The following SYNE1 variants were observed in gnomAD, a reference collection of about 807,000 sequenced individuals.
The protein encoded by SYNE1 is nesprin-1.
A neutral mutation model predicts 1,111.0 loss-of-function variants in SYNE1; 616 were observed. The ratio of observed to expected loss-of-function variants is 0.55; its 90% confidence interval spans 0.52 to 0.59. SYNE1 has a LOEUF of 0.59. Among genes scored for constraint, SYNE1 ranks in the 20% least tolerant of loss-of-function variants. The pLI, the probability that SYNE1 is intolerant of heterozygous loss-of-function variation, is 0.00. For synonymous variants in SYNE1, 3,855 were observed against 3,825.8 expected (o/e 1.01, Z -0.28); for missense variants, 10,006 against 10,417.0 (o/e 0.96, Z 1.72).
At position 152,141,307 on chromosome 6, in the gene SYNE1, C is replaced by G; in HGVS notation, c.25142G>C (p.Ser8381Thr). The G allele has an allele frequency of 6.2e-7, 1 of 1,614,088 alleles. No individual in the cohort carries two copies. Among genetic ancestry groups the G allele is most frequent in the South Asian group, 1.1e-5 (1 of 91,082 alleles). Residue 8381 changes from serine (S) to threonine (T), a missense_variant, in exon 139 of 146, where the codon AGT (serine) becomes ACT (threonine). By Grantham distance (58) the Ser-to-Thr change is moderately conservative. Around this residue, in one of 7 missense-constraint regions of SYNE1, gnomAD observed 761 missense variants for 795.5 expected, o/e 0.96. Transcript: ENST00000367255. ...KGYMKLLGEC[S>T]SSIDSVKRLE... ...TCTCTTCACGGAGTCTATACTGCTA[C>G]TGCATTCGCCCAGCAGTTTCATCTG...
chr6:152,138,650 C>A (rs970779682), intron 140 of SYNE1, among the ~76,000 whole-genome samples: 1 of 151,978 alleles, frequency 6.6e-6, no homozygotes, highest in Non-Finnish European at 1.5e-5. Flanking sequence ...AACACAAAAG[C>A]AGCACACACT....
intron 63 of SYNE1, among the ~76,000 whole-genome samples, chr6:152,362,676 G>C (rs1165084810): frequency 6.6e-6 from 1 of 152,140 alleles, no homozygotes; most frequent in Non-Finnish European, 1.5e-5. Context: ...TGGGCAGGGA[G>C]AGAAGCAACA....
At chr6:152,224,074 A>T (rs77325412) in intron 117 of SYNE1, among the ~76,000 whole-genome samples, 3,269 of 152,314 alleles carry the variant, frequency 0.021, 109 homozygotes, top group African/African-American at 0.074. Flanking sequence ...GAATGGAAGC[A>T]ACTGAATGGT....
At chr6:152,450,552 G>C (rs1282644477) in intron 27 of SYNE1, 73 bp downstream of exon 27, 1 of 1,256,374 alleles carries the variant, frequency 8.0e-7, no homozygotes, top group South Asian at 1.2e-5. Flanking sequence ...GTTATTTCTT[G>C]TTTTGTCATG....
At chr6:152,623,756 A>C (rs1727051) in intron 3 of SYNE1, among the ~76,000 whole-genome samples, 116,838 of 152,072 alleles carry the variant, frequency 0.77, 45,360 homozygotes, top group African/African-American at 0.89. Flanking sequence ...GGCCAACAAT[A>C]ATTAGTATAA....
chr6:152,136,570 T>A (rs1471472971), intron 141 of SYNE1, 48 bp downstream of exon 141: 3 of 1,606,340 alleles, frequency 1.9e-6, no homozygotes, highest in South Asian at 1.1e-5. Flanking sequence ...CTCAGCTAAA[T>A]TGCTAATGTC....
intron 3 of SYNE1, among the ~76,000 whole-genome samples, chr6:152,579,851 T>C (rs1463234109): frequency 1.3e-5 from 2 of 152,190 alleles, no homozygotes; most frequent in African/African-American, 4.8e-5. Flanking sequence ...AATAACATGA[T>C]TTCATTCTTG....
intron 45 of SYNE1, 31 bp from the exon 46 acceptor site, chr6:152,404,345 A>G (rs1041396144): frequency 1.3e-6 from 2 of 1,487,166 alleles, no homozygotes; most frequent in African/African-American, 2.8e-5. Flanking sequence ...TAACTAATCA[A>G]AAACACTGAC....
intron 104 of SYNE1, 96 bp downstream of exon 104, chr6:152,254,784 G>A: frequency 8.8e-7 from 1 of 1,140,310 alleles, no homozygotes; most frequent in Non-Finnish European, 1.3e-6. Context: ...TACGCATTTA[G>A]AAAAACAACA....
intron 138 of SYNE1, among the ~76,000 whole-genome samples, chr6:152,142,686 T>C (rs1412225750): frequency 2.6e-4 from 39 of 152,358 alleles, no homozygotes; most frequent in Non-Finnish European, 5.1e-4. Context: ...ACCATAAAAC[T>C]ATATCATAGG....
In SYNE1 at chr6:152,458,846, A is replaced by C; in HGVS notation, c.2479T>G (p.Phe827Val). 1 of 1,614,116 alleles carries C rather than the reference A, an allele frequency of 6.2e-7. No individual in the cohort carries two copies. The highest frequency in any genetic ancestry group is 8.5e-7 in the Non-Finnish European group (1 of 1,179,988). The change falls in exon 22 of 146, where the codon TTT becomes GTT. Residue 827 changes from phenylalanine (F) to valine (V), a missense_variant. Transcript: ENST00000367255. Reference protein sequence around the residue: ...LEELEKQMTSFYDSLGKINEI... With the variant: ...LEELEKQMTSVYDSLGKINEI... ...TTGATTTTCCCAAGTGAGTCATAAA[A>C]GGACGTCATCTGCTTTTCTAATTCC...
At chr6:152,342,783 G>T (rs1212885707) in intron 74 of SYNE1, among the ~76,000 whole-genome samples, 1 of 152,124 alleles carries the variant, frequency 6.6e-6, no homozygotes, top group Non-Finnish European at 1.5e-5. Context: ...TTCTGATTAA[G>T]TCTCAGCAAT....
intron 132 of SYNE1, chr6:152,155,337 T>G (rs2061194458): frequency 5.1e-6 from 2 of 394,644 alleles, no homozygotes; most frequent in East Asian, 1.1e-4. Flanking sequence ...TGCACCAAGT[T>G]TAGAAAAGCA....
chr6:152,195,904 G>A (rs191218032), intron 127 of SYNE1, among the ~76,000 whole-genome samples: 4 of 152,266 alleles, frequency 2.6e-5, no homozygotes, highest in East Asian at 3.9e-4. Flanking sequence ...CCAGGTGGTC[G>A]AGAGATGCCA....
At chr6:152,133,812 A>G (rs2056419556) in intron 142 of SYNE1, 1 of 318,958 alleles carries the variant, frequency 3.1e-6, no homozygotes. Flanking sequence ...GATGTAAGAT[A>G]ATCTTTTAAA....
At chr6:152,604,099 G>A (rs761214596) in intron 3 of SYNE1, among the ~76,000 whole-genome samples, 1 of 151,158 alleles carries the variant, frequency 6.6e-6, no homozygotes, top group Non-Finnish European at 1.5e-5. Flanking sequence ...AAAGAGTGAT[G>A]AGTTTGCATA....
intron 32 of SYNE1, 54 bp downstream of exon 32, chr6:152,441,076 G>A: frequency 6.2e-7 from 1 of 1,600,398 alleles, no homozygotes; most frequent in Admixed American, 1.7e-5. Context: ...AAATCATTTT[G>A]TTTGTTTTGC....
At chr6:152,378,609 T>C (rs1312373607) in intron 56 of SYNE1, among the ~76,000 whole-genome samples, 1 of 152,196 alleles carries the variant, frequency 6.6e-6, no homozygotes, top group Non-Finnish European at 1.5e-5. Flanking sequence ...TCCTCCTCTC[T>C]AGGTTCCTCT....
At position 152,316,939 on chromosome 6, in the gene SYNE1, C is replaced by A; in HGVS notation, c.16620G>T (p.Leu5540Phe). 6.2e-7 allele frequency: 1 copy of A among 1,614,132 alleles called. No homozygotes were observed. Reference sequence around the variant, plus strand: ...AGACTTTAGCTTTTTCAATCCACTTCAAAATTAATTCAAGCATTTCATTGT... The same window carrying A: ...AGACTTTAGCTTTTTCAATCCACTTAAAAATTAATTCAAGCATTTCATTGT... ...EEYNEMLELI[L>F]KWIEKAKVLA... Residue 5540 changes from leucine (L) to phenylalanine (F), a missense_variant, in exon 87 of 146, where the codon TTG becomes TTT. Transcript: ENST00000367255.
Sources: gnomAD v4.1 joint callset for allele counts (sites outside exome capture counted in the v4.1 genomes callset) on GRCh38, gnomAD v4.1.1 for gene constraint, gnomAD v4.1.1 regional missense constraint, MANE v1.5 for transcripts, NCBI Gene and HGNC (gene_info 2026-07-23, HGNC 2026-07-21) for gene names.